Variants in DPH6 observed in about 807,000 individuals in gnomAD.
The protein encoded by DPH6 is diphthamine biosynthesis 6, also known as diphthine--ammonia ligase.
DPH6 carries 33 observed loss-of-function variants against 38.2 expected under a neutral mutation model. The ratio of observed to expected loss-of-function variants is 0.86; its 90% confidence interval spans 0.65 to 1.15. The LOEUF is 1.15. Ranked by LOEUF, DPH6 falls within the 50% of genes most tolerant of loss-of-function variation. The pLI, the probability that DPH6 is intolerant of heterozygous loss-of-function variation, is 0.00. For synonymous variants in DPH6, 108 were observed against 103.0 expected (o/e 1.05, Z -0.30); for missense variants, 325 against 320.0 (o/e 1.02, Z -0.12).
rs1316693925 is a variant in DPH6 at position 35,543,258 on chromosome 15, TAATATATATATATA to T, written c.24-765_24-752del. ...CATACATATAGTACACACATACACATAATATATATATATATATATATATATATATATATATATAT... is the reference window on the plus strand; with the variant it reads ...CATACATATAGTACACACATACACATTATATATATATATATATATATATAT... On this transcript the variant is annotated intron_variant, in intron 1 of 8. Coordinates refer to ENST00000256538, the MANE Select transcript of DPH6 (RefSeq NM_080650.4). Among the ~76,000 whole-genome samples the T allele has an allele frequency of 5.4e-4, 50 of 92,630 alleles. 1 individual carries two copies. The highest frequency in any genetic ancestry group is 8.5e-4 in the African/African-American group (19 of 22,360). The allele number at this position is 92,630 out of a possible 152,430, so 60.8% of individuals were successfully genotyped here. A position where few individuals can be genotyped will look rare whatever the true frequency, so the allele number is the denominator to read the frequency against.
At chr15:35,193,640 A>G in the DPH6 span, among the ~76,000 whole-genome samples, 1 of 152,314 alleles carries the variant, frequency 6.6e-6, no homozygotes, top group South Asian at 2.1e-4. Flanking sequence ...TCAGATGAAG[A>G]TATTTTAGAC....
intron 6 of DPH6, among the ~76,000 whole-genome samples, chr15:35,408,118 T>G (rs2053319085): frequency 1.3e-5 from 2 of 151,944 alleles, no homozygotes; most frequent in African/African-American, 4.8e-5. Context: ...GGATTTATAA[T>G]AGAATATATT....
intron 3 of DPH6, among the ~76,000 whole-genome samples, chr15:35,507,939 G>A (rs2054717032): frequency 3.3e-5 from 5 of 152,036 alleles, no homozygotes; most frequent in Admixed American, 3.3e-4. Context: ...GTATGTGTGT[G>A]AGCAAGACTA....
At chr15:35,386,542 T>A (rs374702085) in intron 6 of DPH6, among the ~76,000 whole-genome samples, 1 of 152,232 alleles carries the variant, frequency 6.6e-6, no homozygotes, top group Non-Finnish European at 1.5e-5. Context: ...CCATTCTAAC[T>A]GGTGTGAGAT....
chr15:35,525,302 G>T (rs890590551), intron 3 of DPH6, among the ~76,000 whole-genome samples: 2 of 152,038 alleles, frequency 1.3e-5, no homozygotes, highest in African/African-American at 4.8e-5. Flanking sequence ...ATGTCCCCAA[G>T]CCTATTGTCC....
intron 3 of DPH6, among the ~76,000 whole-genome samples, chr15:35,496,567 A>AATATATATATATAT (rs1165939476): frequency 0.01 from 322 of 30,948 alleles, 26 homozygotes; most frequent in South Asian, 0.057. Context: ...AAAAAAAAAA[A>AATATATATATATAT]ATATATATAT....
intron 6 of DPH6, chr15:35,401,139 C>A: frequency 2.1e-6 from 2 of 975,064 alleles, no homozygotes; most frequent in South Asian, 1.3e-5. Context: ...ATAAGACTGT[C>A]ATTCAGAAAC....
chr15:35,491,610 A>G (rs959548761), intron 3 of DPH6, among the ~76,000 whole-genome samples: 1 of 150,828 alleles, frequency 6.6e-6, no homozygotes, highest in South Asian at 2.1e-4. Flanking sequence ...CTCGATATAT[A>G]TATCGATATA....
intron 3 of DPH6, among the ~76,000 whole-genome samples, chr15:35,355,742 G>C (rs1285653894): frequency 6.6e-6 from 1 of 152,176 alleles, no homozygotes; most frequent in Admixed American, 6.5e-5. Flanking sequence ...CAACTTTGGT[G>C]AGTCTGACGA....
At chr15:35,382,059 T>C in intron 6 of DPH6, 143 bp from the exon 7 acceptor site, 1 of 645,378 alleles carries the variant, frequency 1.5e-6, no homozygotes, top group Non-Finnish European at 2.7e-6. Context: ...ATTATATTTC[T>C]GCTTAAAACC....
At chr15:35,391,513 T>C (rs1048319676) in intron 6 of DPH6, among the ~76,000 whole-genome samples, 1 of 152,172 alleles carries the variant, frequency 6.6e-6, no homozygotes, top group Non-Finnish European at 1.5e-5. Flanking sequence ...CCTAGCCACT[T>C]TGTTTACCTA....
chr15:35,363,519 G>A (rs999689857), intron 3 of DPH6, among the ~76,000 whole-genome samples: 1 of 151,754 alleles, frequency 6.6e-6, no homozygotes, highest in Non-Finnish European at 1.5e-5. Context: ...TATTTTTAGT[G>A]GTGTCTCTTT....
At chr15:35,342,631 G>T (rs757789621) in intron 3 of DPH6, among the ~76,000 whole-genome samples, 4 of 152,130 alleles carry the variant, frequency 2.6e-5, no homozygotes, top group Non-Finnish European at 5.9e-5. Context: ...CCTCCAAAGT[G>T]GTTTCTAAGT....
At chr15:35,382,211 G>A (rs990357715) in intron 6 of DPH6, among the ~76,000 whole-genome samples, 5 of 152,064 alleles carry the variant, frequency 3.3e-5, no homozygotes, top group Non-Finnish European at 4.4e-5. Context: ...CGAGGCGGGC[G>A]GATCACAAGG....
At chr15:35,460,053 CTGA>C (rs1242118464) in intron 3 of DPH6, among the ~76,000 whole-genome samples, 1 of 152,158 alleles carries the variant, frequency 6.6e-6, no homozygotes, top group Non-Finnish European at 1.5e-5. Flanking sequence ...CTCTTTCTTA[CTGA>C]CATAGTACCA....
chr15:35,484,827 A>G (rs1193942905), intron 3 of DPH6, among the ~76,000 whole-genome samples: 1 of 152,230 alleles, frequency 6.6e-6, no homozygotes, highest in African/African-American at 2.4e-5. Context: ...GATTAGTTAT[A>G]TTATTCCTTC....
intron 3 of DPH6, among the ~76,000 whole-genome samples, chr15:35,300,448 G>T (rs548815811): frequency 2.0e-5 from 3 of 152,196 alleles, no homozygotes; most frequent in Non-Finnish European, 4.4e-5. Context: ...GGTTATGATT[G>T]TAAGAACGGA....
intron 3 of DPH6, among the ~76,000 whole-genome samples, chr15:35,248,636 C>T (rs1197556132): frequency 6.6e-6 from 1 of 152,176 alleles, no homozygotes; most frequent in Non-Finnish European, 1.5e-5. Context: ...AATCTGAAGG[C>T]TCCCATGTCA....
chr15:35,401,020 T>A lies in DPH6; in HGVS notation c.567+9815A>T, dbSNP rs566179372. 220 of 909,068 alleles carry A rather than the reference T, an allele frequency of 2.4e-4. No individual in the cohort carries two copies. The African/African-American group carries it at 3.2e-3, about 13-fold the overall frequency. The allele number at this position is 909,068 out of a possible 1,614,324, so 56.3% of individuals were successfully genotyped here. A position where few individuals can be genotyped will look rare whatever the true frequency, so the allele number is the denominator to read the frequency against. On this transcript the variant is annotated intron_variant, in intron 6 of 8. Transcript: ENST00000256538. ...GTGAAAAAGACATTTGTTGCTGGCATTAAAGAAGACACAGAAGAACATCAC... is the reference window on the plus strand; with the variant it reads ...GTGAAAAAGACATTTGTTGCTGGCAATAAAGAAGACACAGAAGAACATCAC...
Sources: gnomAD v4.1 joint callset for allele counts (sites outside exome capture counted in the v4.1 genomes callset) on GRCh38, gnomAD v4.1.1 for gene constraint, MANE v1.5 for transcripts, NCBI Gene and HGNC (gene_info 2026-07-23, HGNC 2026-07-21) for gene names.